The following FN1 variants were observed in gnomAD, a reference collection of about 807,000 sequenced individuals.
FN1 encodes the protein fibronectin 1.
A neutral mutation model predicts 297.3 loss-of-function variants in FN1; 106 were observed. That is an observed-to-expected ratio of 0.36 (90% CI 0.30 to 0.42). The LOEUF (loss-of-function observed/expected upper bound fraction) is 0.42, where lower values mean the gene tolerates loss of function less well. Ranked by LOEUF, FN1 falls within the 10% of genes least tolerant of loss-of-function variation. The probability of loss-of-function intolerance (pLI) is 1.00; values close to 1 mark genes in which losing one functional copy is unlikely to be tolerated. For missense variants in FN1, 2,690 were observed against 3,124.9 expected (o/e 0.86, Z 3.32); for synonymous variants, 1,149 against 1,152.6 (o/e 1.00, Z 0.06).
intron 28 of FN1, among the ~76,000 whole-genome samples, chr2:215,386,233 C>T (rs1219465560): frequency 1.3e-5 from 2 of 152,010 alleles, no homozygotes; most frequent in East Asian, 3.9e-4. Flanking sequence ...CATGCCACCA[C>T]ACCTTGCTAA....
At chr2:215,404,913 T>G (rs2061580740) in intron 19 of FN1, among the ~76,000 whole-genome samples, 1 of 152,192 alleles carries the variant, frequency 6.6e-6, no homozygotes, top group Admixed American at 6.5e-5. Flanking sequence ...CCAGCAAGAC[T>G]TTCGCATCAG....
intron 36 of FN1, among the ~76,000 whole-genome samples, chr2:215,376,111 G>C (rs545211602): frequency 7.2e-5 from 11 of 152,238 alleles, no homozygotes; most frequent in African/African-American, 2.4e-4. Flanking sequence ...ATATTCTTCG[G>C]TTACAATTTT....
intron 11 of FN1, among the ~76,000 whole-genome samples, chr2:215,420,162 A>T (rs553430524): frequency 2.6e-4 from 40 of 152,142 alleles, no homozygotes; most frequent in Admixed American, 1.7e-3. Context: ...CCACATGGAG[A>T]AACCCCATCT....
chr2:215,371,820 C>T, intron 40 of FN1, 89 bp downstream of exon 40: 1 of 1,200,184 alleles, frequency 8.3e-7, no homozygotes, highest in Non-Finnish European at 1.2e-6. Flanking sequence ...GCCATGAAGC[C>T]ACTTTTTATT....
chr2:215,394,214 T>C lies in FN1; in HGVS notation c.3796+314A>G, dbSNP rs140986982. Among the ~76,000 whole-genome samples, 5 of 152,260 alleles carry C rather than the reference T, an allele frequency of 3.3e-5. 1 individual carries two copies. Among genetic ancestry groups the C allele is most frequent in the African/African-American group, 4.8e-5 (2 of 41,554 alleles). The stretch of plus-strand genomic sequence containing the variant: ...TTACTTTGAGCCTATCAGTACTGAG[T>C]ACAGACACGTGACAGTGTTTTAGTC... On this transcript the variant is annotated intron_variant, in intron 24 of 45. Transcript: ENST00000354785.
At chr2:215,407,790 C>T (rs149923672) in intron 17 of FN1, among the ~76,000 whole-genome samples, 13 of 152,168 alleles carry the variant, frequency 8.5e-5, no homozygotes, top group Non-Finnish European at 1.2e-4. Context: ...CTTAGAGCAA[C>T]GTTTTCAGGA....
rs759247885 is a variant in FN1 at position 215,409,550 on chromosome 2, A to AT, written c.2299+12dup. 2 of 1,612,332 alleles carry AT rather than the reference A, an allele frequency of 1.2e-6. No individual in the cohort carries two copies. The highest frequency in any genetic ancestry group is 1.7e-6 in the Non-Finnish European group (2 of 1,179,612). On this transcript the variant is annotated intron_variant, in intron 15 of 45. Coordinates refer to ENST00000354785, the MANE Select transcript of FN1 (RefSeq NM_212482.4). ...CTGCCCTGAACCTGTCTTGAGCGACATATTGAGCTTACCCAGGTACTGTGG... is the reference window on the plus strand; with the variant it reads ...CTGCCCTGAACCTGTCTTGAGCGACATTATTGAGCTTACCCAGGTACTGTGG...
intron 13 of FN1, among the ~76,000 whole-genome samples, chr2:215,414,333 A>G (rs2063117987): frequency 6.6e-6 from 1 of 152,162 alleles, no homozygotes; most frequent in African/African-American, 2.4e-5. Context: ...CCCTCCCATC[A>G]TCTCTTTTCC....
chr2:215,398,028 G>T (rs577365050), intron 21 of FN1, among the ~76,000 whole-genome samples, 180 bp from the exon 22 acceptor site: 1 of 152,346 alleles, frequency 6.6e-6, no homozygotes, highest in East Asian at 1.9e-4. Context: ...CCCCCAGGTG[G>T]GGGAGGTATC....
rs146850307 is a variant in FN1, at chr2:215,422,890, T to A, written c.1393+460A>T. Reference sequence around the variant, plus strand: ...AGATTCCCTACCTGTTAGAAAACATTGAGTTTTAGTCACTTTGGCACTTAT... The same window carrying A: ...AGATTCCCTACCTGTTAGAAAACATAGAGTTTTAGTCACTTTGGCACTTAT... On this transcript the variant is annotated intron_variant, in intron 9 of 45. Coordinates refer to ENST00000354785, the MANE Select transcript of FN1 (RefSeq NM_212482.4). 7.2e-5 allele frequency among the ~76,000 whole-genome samples: 11 copies of A among 152,288 alleles called. No homozygotes were observed. In the East Asian group the frequency reaches 2.1e-3, roughly 29 times the overall value.
In FN1 at chr2:215,394,708, A is replaced by C. The variant is rs1347327653; in HGVS notation, c.3616T>G (p.Tyr1206Asp). 2 of 1,613,680 alleles carry C rather than the reference A, an allele frequency of 1.2e-6. No individual in the cohort carries two copies. The highest frequency in any genetic ancestry group is 1.7e-6 in the Non-Finnish European group (2 of 1,179,624). Reference protein sequence around the residue: ...ERSTTPDITGYRITTTPTNGQ... With the variant: ...ERSTTPDITGDRITTTPTNGQ... ...TTTGTAGGGGTTGTGGTAATTCTAT[A>C]ACCAGTAATGTCTGGAGAAAAAAGA... Residue 1206 changes from tyrosine to aspartate, a missense_variant, in exon 24 of 46, where the codon TAT (tyrosine) becomes GAT (aspartate). Transcript: ENST00000354785.
At chr2:215,421,225 C>T (rs1052396245) in intron 10 of FN1, 2 of 256,900 alleles carry the variant, frequency 7.8e-6, no homozygotes, top group Non-Finnish European at 1.5e-5. Context: ...GTGGTCTGGT[C>T]TCTGGAATAG....
rs2064523452 is a variant in FN1 at position 215,422,218 on chromosome 2, A to G, written c.1419T>C (p.Asn473=). 6.2e-7 allele frequency: 1 copy of G among 1,613,960 alleles called. No homozygotes were observed. Among genetic ancestry groups the G allele is most frequent in the Non-Finnish European group, 8.5e-7 (1 of 1,179,964 alleles). Residue 473 remains asparagine (N), a synonymous_variant, in exon 10 of 46, where the codon AAT becomes AAC. Transcript: ENST00000354785. ...CTCCAATGCGGTACATGACCCCTTC[A>G]TTGGTTGTGCAGATTTCCTCGTGGG... is the stretch of plus-strand genomic sequence containing the variant. ...MAAHEEICTT[N]EGVMYRIGDQ...
chr2:215,399,060 C>T (rs2060658537), intron 21 of FN1, among the ~76,000 whole-genome samples, 197 bp downstream of exon 21: 2 of 152,188 alleles, frequency 1.3e-5, no homozygotes, highest in Admixed American at 6.5e-5. Context: ...TCGCAGCCTC[C>T]ATCTACCCTT....
chr2:215,378,114 C>T, intron 35 of FN1, 61 bp downstream of exon 35: 2 of 1,037,514 alleles, frequency 1.9e-6, no homozygotes, highest in South Asian at 1.3e-5. Context: ...CACTGATTTA[C>T]CATTCTTTAA....
rs1365173635 is a variant in FN1, at chr2:215,370,626, C to T, written c.6715-194G>A. On this transcript the variant is annotated intron_variant, in intron 40 of 45. Transcript: ENST00000354785. ...GAGAGAAATGGAACAAGGATAGGGG[C>T]CATCGTTCCTGCCAGATTTTCCTGC... 6.9e-6 allele frequency: 4 copies of T among 575,938 alleles called. No individual in the cohort carries two copies. The East Asian group carries it at 1.2e-4, about 18-fold the overall frequency. The allele number at this position is 575,938 out of a possible 1,614,324, so 35.7% of individuals were successfully genotyped here.
chr2:215,387,233 C>G (rs1305493689), intron 27 of FN1, among the ~76,000 whole-genome samples: 1 of 152,112 alleles, frequency 6.6e-6, no homozygotes, highest in African/African-American at 2.4e-5. Flanking sequence ...GGGGTTATTA[C>G]AGTAAGTTTC....
chr2:215,362,403 T>TAGAA, intron 44 of FN1: 3 of 338,172 alleles, frequency 8.9e-6, no homozygotes, highest in South Asian at 8.7e-5. Context: ...CACTAGATGA[T>TAGAA]AGAAAAGGTT....
Position 215,380,953 on chromosome 2 carries a change from G to A in FN1, c.5292C>T (p.Ile1764=). 1 of 1,614,224 alleles carries A rather than the reference G, an allele frequency of 6.2e-7. No individual in the cohort carries two copies. ...RVTYSSPEDG[I]HELFPAPDGE... The stretch of plus-strand genomic sequence containing the variant: ...CATCAGGTGCAGGGAATAGCTCATG[G>A]ATTCCATCCTCAGGGCTCGAGTAGG... The change falls in exon 33 of 46, where the codon ATC becomes ATT. Residue 1764 remains isoleucine (I), a synonymous_variant. Coordinates refer to ENST00000354785, the MANE Select transcript of FN1 (RefSeq NM_212482.4).
Sources: allele counts gnomAD v4.1 joint callset (sites outside exome capture counted in the v4.1 genomes callset), GRCh38; gene constraint gnomAD v4.1.1; transcripts MANE v1.5; gene names NCBI Gene and HGNC (gene_info 2026-07-23, HGNC 2026-07-21).